Variants in ODR4 observed in about 807,000 individuals in gnomAD.
ODR4 encodes the protein odr-4 GPCR localization factor homolog.
A neutral mutation model predicts 60.2 loss-of-function variants in ODR4; 47 were observed. That is an observed-to-expected ratio of 0.78 (90% CI 0.62 to 1.00). The LOEUF (loss-of-function observed/expected upper bound fraction) is 1.00, where lower values mean the gene tolerates loss of function less well. Among genes scored for constraint, ODR4 ranks in the 50% least tolerant of loss-of-function variants. ODR4 has a pLI of 0.00. For missense variants in ODR4, 488 were observed against 530.8 expected (o/e 0.92, Z 0.79); for synonymous variants, 178 against 175.5 (o/e 1.01, Z -0.11).
intron 12 of ODR4, among the ~76,000 whole-genome samples, chr1:186,413,384 TG>T (rs1185934379): frequency 6.6e-6 from 1 of 152,268 alleles, no homozygotes; most frequent in East Asian, 1.9e-4. Flanking sequence ...GTAGTTGCTA[TG>T]TTTAAAATAC....
In ODR4 at chr1:186,388,517, G is replaced by A. The variant is rs1660337227; in HGVS notation, c.406G>A (p.Val136Met). 3 of 1,563,076 alleles carry A rather than the reference G, an allele frequency of 1.9e-6. No homozygotes were observed. The highest frequency in any genetic ancestry group is 2.6e-6 in the Non-Finnish European group (3 of 1,153,504). ...CACAGAGGAGGAAGTCTCAGAACGA[G>A]TGACACTTCACATTTGTGCTTCTAC... The part of the protein sequence containing the change: ...NFTEEEVSER[V>M]TLHICASTKK... The change falls in exon 5 of 14, where the codon GTG becomes ATG. Residue 136 changes from valine to methionine, a missense_variant. Val to Met is a conservative substitution (Grantham distance 21). Transcript: ENST00000287859.
intron 12 of ODR4, among the ~76,000 whole-genome samples, chr1:186,413,515 T>C (rs1661447422): frequency 6.6e-6 from 1 of 152,176 alleles, no homozygotes. Context: ...TTAAAATTTC[T>C]TAGCTGTGTT....
intron 3 of ODR4, among the ~76,000 whole-genome samples, chr1:186,383,486 G>A (rs1405939213): frequency 1.3e-5 from 2 of 152,036 alleles, no homozygotes; most frequent in Non-Finnish European, 2.9e-5. Flanking sequence ...AGGGAACTTA[G>A]AGGACAGGTC....
chr1:186,392,526 G>A (rs1235331130), intron 8 of ODR4, among the ~76,000 whole-genome samples: 1 of 152,112 alleles, frequency 6.6e-6, no homozygotes, highest in Non-Finnish European at 1.5e-5. Context: ...CTTAGAAAAC[G>A]AATGCAGGGG....
At chr1:186,380,240 G>A (rs78701198) in intron 2 of ODR4, among the ~76,000 whole-genome samples, 30,133 of 152,050 alleles carry the variant, frequency 0.2, 3,545 homozygotes, top group African/African-American at 0.33. Flanking sequence ...TGGTTGTCCA[G>A]TTCTTTACAA....
chr1:186,418,436 G>A (rs1314694467), intron 13 of ODR4, among the ~76,000 whole-genome samples: 3 of 151,800 alleles, frequency 2.0e-5, no homozygotes, highest in Non-Finnish European at 2.9e-5. Context: ...GACTACAGGC[G>A]CCCGCCACCG....
chr1:186,385,876 TA>T, intron 3 of ODR4, 111 bp from the exon 4 acceptor site: 1 of 620,136 alleles, frequency 1.6e-6, no homozygotes, highest in East Asian at 3.1e-5. Flanking sequence ...GTTTTATTTA[TA>T]AAGTAGTTTT....
Position 186,396,569 on chromosome 1 carries a change from A to G in ODR4, c.781-1744A>G, listed in dbSNP as rs114828922. Among the ~76,000 whole-genome samples, 718 of 152,288 alleles carry G rather than the reference A, an allele frequency of 4.7e-3. 6 individuals are homozygous for G. The highest frequency in any genetic ancestry group is 0.016 in the African/African-American group (684 of 41,574). On this transcript the variant is annotated intron_variant, in intron 9 of 13. Coordinates refer to ENST00000287859, the MANE Select transcript of ODR4 (RefSeq NM_017847.6). Reference sequence around the variant, plus strand: ...GGCTGCAGTGAGCTCTGATAGCATCACTGTACTCTAGGCTGGATGACAGAA... The same window carrying G: ...GGCTGCAGTGAGCTCTGATAGCATCGCTGTACTCTAGGCTGGATGACAGAA...
chr1:186,402,925 T>C (rs1661040446), intron 11 of ODR4, among the ~76,000 whole-genome samples: 1 of 152,152 alleles, frequency 6.6e-6, no homozygotes, highest in Non-Finnish European at 1.5e-5. Flanking sequence ...ACCTACTTTT[T>C]GAGGCTGCAA....
the ODR4 span, among the ~76,000 whole-genome samples, chr1:186,431,839 G>A: frequency 1.3e-5 from 2 of 152,308 alleles, no homozygotes; most frequent in Non-Finnish European, 2.9e-5. Flanking sequence ...GAGCAAGGAA[G>A]TACAGACTTT....
chr1:186,376,138 G>A (rs1467503163), intron 1 of ODR4, among the ~76,000 whole-genome samples, 164 bp downstream of exon 1: 1 of 152,072 alleles, frequency 6.6e-6, no homozygotes, highest in African/African-American at 2.4e-5. Context: ...ATGGTTTTTG[G>A]TGGTGGGGAG....
rs891206179 is a variant in ODR4, at chr1:186,419,910, G to A, written c.*834G>A. The A allele has an allele frequency of 6.6e-6, 1 of 152,076 alleles. No individual in the cohort carries two copies. Among genetic ancestry groups the A allele is most frequent in the Non-Finnish European group, 1.5e-5 (1 of 68,028 alleles). The allele number at this position is 152,076 out of a possible 1,614,324, so 9.4% of individuals were successfully genotyped here. The stretch of plus-strand genomic sequence containing the variant: ...TGTTTTGTTCTGATCAAGGGGTAGG[G>A]AACCTTTCCAGAGAAGTCCCATTAG... On this transcript the variant is annotated 3_prime_UTR_variant, in exon 14 of 14. Transcript: ENST00000287859.
intron 3 of ODR4, among the ~76,000 whole-genome samples, chr1:186,384,025 C>G (rs369960265): frequency 1.3e-4 from 20 of 152,090 alleles, no homozygotes; most frequent in Admixed American, 1.0e-3. Flanking sequence ...GGCGACAAAG[C>G]GAGACTCTGT....
downstream of ODR4, among the ~76,000 whole-genome samples, chr1:186,424,604 A>T (rs933035199): frequency 6.6e-6 from 1 of 151,918 alleles, no homozygotes; most frequent in African/African-American, 2.4e-5. Context: ...GATAGGAATC[A>T]GCTGGGTGGT....
the ODR4 span, among the ~76,000 whole-genome samples, chr1:186,431,394 C>T: frequency 2.0e-5 from 3 of 152,064 alleles, no homozygotes; most frequent in Non-Finnish European, 4.4e-5. Flanking sequence ...CCCCAGCAAT[C>T]TTTGTCTTCT....
At chr1:186,402,187 A>ATTCCTTCTTTCTTTCTTTCT (rs1553236963) in intron 11 of ODR4, among the ~76,000 whole-genome samples, 1 of 135,424 alleles carries the variant, frequency 7.4e-6, no homozygotes. Flanking sequence ...TAGGCATCCT[A>ATTCCTTCTTTCTTTCTTTCT]TTCTTTCTTT....
intron 12 of ODR4, chr1:186,411,919 A>G: frequency 3.1e-6 from 2 of 647,160 alleles, no homozygotes; most frequent in Non-Finnish European, 3.8e-6. Flanking sequence ...TGTATGCCAT[A>G]TTAAACTCAT....
the ODR4 span, among the ~76,000 whole-genome samples, chr1:186,432,439 C>G: frequency 6.6e-6 from 1 of 152,014 alleles, no homozygotes; most frequent in Non-Finnish European, 1.5e-5. Context: ...TCTGAAAAAG[C>G]CTGTGTAAAA....
the ODR4 span, among the ~76,000 whole-genome samples, chr1:186,433,317 A>AT: frequency 8.0e-5 from 12 of 150,502 alleles, no homozygotes; most frequent in East Asian, 3.9e-4. Context: ...AAATACTCTT[A>AT]TTTTTTTTTA....
Sources: gnomAD v4.1 joint callset for allele counts (sites outside exome capture counted in the v4.1 genomes callset) on GRCh38, gnomAD v4.1.1 for gene constraint, MANE v1.5 for transcripts, NCBI Gene and HGNC (gene_info 2026-07-23, HGNC 2026-07-21) for gene names.